The following WIPF3 variants were observed in gnomAD, a reference collection of about 807,000 sequenced individuals.
WIPF3 encodes WAS/WASL-interacting protein family member 3.
WIPF3 carries 33 observed loss-of-function variants against 38.9 expected under a neutral mutation model. The ratio of observed to expected loss-of-function variants is 0.85; its 90% CI spans 0.64 to 1.14. The LOEUF (loss-of-function observed/expected upper bound fraction) is 1.14, where lower values mean the gene tolerates loss of function less well. Among genes scored for constraint, WIPF3 ranks in the 50% most tolerant of loss-of-function variants. WIPF3 has a pLI of 0.00. For synonymous variants in WIPF3, 324 were observed against 269.3 expected (o/e 1.20, Z -1.99); for missense variants, 711 against 652.5 (o/e 1.09, Z -0.98).
chr7:29,895,078 A>G (rs996994726), intron 7 of WIPF3, among the ~76,000 whole-genome samples: 3 of 151,578 alleles, frequency 2.0e-5, no homozygotes, highest in Non-Finnish European at 4.4e-5. Flanking sequence ...CAGCCTCCCA[A>G]GTAGCCCATG....
intron 2 of WIPF3, among the ~76,000 whole-genome samples, chr7:29,850,917 GA>G (rs1785084114): frequency 1.3e-5 from 2 of 152,186 alleles, no homozygotes; most frequent in South Asian, 4.1e-4. Context: ...CCTCATCTGT[GA>G]AATGGAAATA....
At chr7:29,879,516 A>G (rs1785672982) in intron 4 of WIPF3, among the ~76,000 whole-genome samples, 1 of 152,230 alleles carries the variant, frequency 6.6e-6, no homozygotes, top group Non-Finnish European at 1.5e-5. Flanking sequence ...ATGAGTTGTA[A>G]TGATTCGGTC....
intron 7 of WIPF3, among the ~76,000 whole-genome samples, chr7:29,891,505 G>A (rs1297002161): frequency 6.6e-6 from 1 of 152,124 alleles, no homozygotes; most frequent in Non-Finnish European, 1.5e-5. Context: ...ACTGCTCTGA[G>A]TTGAGAGAGA....
intron 1 of WIPF3, among the ~76,000 whole-genome samples, chr7:29,816,215 A>G (rs890561913): frequency 2.0e-5 from 3 of 152,252 alleles, no homozygotes; most frequent in Admixed American, 6.5e-5. Flanking sequence ...TATAAAAAGG[A>G]TGTTCACTGT....
intron 2 of WIPF3, among the ~76,000 whole-genome samples, chr7:29,855,909 G>A (rs991842669): frequency 1.3e-5 from 2 of 152,148 alleles, no homozygotes; most frequent in African/African-American, 4.8e-5. Context: ...TTTAGTATAA[G>A]TGTGTAGCAA....
intron 1 of WIPF3, among the ~76,000 whole-genome samples, chr7:29,808,108 A>C (rs1784313266): frequency 6.6e-6 from 1 of 152,206 alleles, no homozygotes; most frequent in South Asian, 2.1e-4. Context: ...CCTAAGAATT[A>C]CTGAAGTTAT....
chr7:29,811,378 A>C (rs116963465), intron 1 of WIPF3, among the ~76,000 whole-genome samples: 2,002 of 152,212 alleles, frequency 0.013, 25 homozygotes, highest in Non-Finnish European at 0.016. Flanking sequence ...AACAACATAA[A>C]ATTAATAGAT....
chr7:29,890,367 AAAAAAGAGAG>A (rs754504970), intron 7 of WIPF3, among the ~76,000 whole-genome samples: 4 of 144,246 alleles, frequency 2.8e-5, no homozygotes, highest in Non-Finnish European at 4.6e-5. Flanking sequence ...AAAAAAAAAA[AAAAAAGAGAG>A]AGAGAGAATG....
intron 1 of WIPF3, among the ~76,000 whole-genome samples, chr7:29,822,123 G>GTTTTTTTTTTTT: frequency 6.4e-5 from 4 of 62,870 alleles, no homozygotes; most frequent in African/African-American, 1.4e-4. Flanking sequence ...TTTTTTCTTA[G>GTTTTTTTTTTTT]TTTTTTTTTT....
At chr7:29,824,165 G>T (rs528966364) in intron 1 of WIPF3, among the ~76,000 whole-genome samples, 1 of 152,092 alleles carries the variant, frequency 6.6e-6, no homozygotes, top group African/African-American at 2.4e-5. Context: ...AAATAGGTCC[G>T]GGCATGGTGG....
intron 7 of WIPF3, among the ~76,000 whole-genome samples, chr7:29,892,135 C>A (rs1786036770): frequency 6.6e-6 from 1 of 152,186 alleles, no homozygotes; most frequent in African/African-American, 2.4e-5. Flanking sequence ...AGCTTAGGTT[C>A]CCCAACAGCA....
intron 2 of WIPF3, among the ~76,000 whole-genome samples, chr7:29,835,159 A>G (rs1440181970): frequency 6.6e-6 from 1 of 152,056 alleles, no homozygotes; most frequent in African/African-American, 2.4e-5. Flanking sequence ...TGCACGGCCA[A>G]TGAGGCCTTG....
At chr7:29,893,112 G>A (rs1786061016) in intron 7 of WIPF3, among the ~76,000 whole-genome samples, 1 of 152,102 alleles carries the variant, frequency 6.6e-6, no homozygotes, top group African/African-American at 2.4e-5. Flanking sequence ...GAGGTTGGAT[G>A]GAGGAGGTCC....
chr7:29,895,990 C>T (rs539410290), intron 7 of WIPF3, among the ~76,000 whole-genome samples: 19 of 152,092 alleles, frequency 1.2e-4, no homozygotes, highest in Non-Finnish European at 2.5e-4. Context: ...TAATTTCATT[C>T]AGATGGAATG....
At chr7:29,830,200 C>T (rs1784695395) in intron 1 of WIPF3, among the ~76,000 whole-genome samples, 1 of 151,854 alleles carries the variant, frequency 6.6e-6, no homozygotes, top group Admixed American at 6.6e-5. Context: ...AGCGAGGCAG[C>T]ATCTCGGTGG....
chr7:29,827,226 T>C (rs1332362035), intron 1 of WIPF3, among the ~76,000 whole-genome samples: 2 of 152,130 alleles, frequency 1.3e-5, no homozygotes, highest in Non-Finnish European at 2.9e-5. Context: ...TATTTACAGA[T>C]TTTTTATATC....
intron 2 of WIPF3, among the ~76,000 whole-genome samples, chr7:29,866,020 G>T (rs1785381132): frequency 1.3e-5 from 2 of 152,150 alleles, no homozygotes; most frequent in African/African-American, 4.8e-5. Flanking sequence ...TTAGCCGGGC[G>T]TGATGGCACA....
intron 1 of WIPF3, among the ~76,000 whole-genome samples, chr7:29,828,256 G>C (rs1784656086): frequency 6.6e-6 from 1 of 152,194 alleles, no homozygotes; most frequent in South Asian, 2.1e-4. Context: ...ACTTACATGA[G>C]TTCTTTCTTT....
At chr7:29,821,616 T>A (rs1210621215) in intron 1 of WIPF3, among the ~76,000 whole-genome samples, 2 of 152,224 alleles carry the variant, frequency 1.3e-5, no homozygotes, top group African/African-American at 2.4e-5. Context: ...TAGAATTAAA[T>A]CTTCCTTTTG....
Sources: gnomAD v4.1 joint callset for allele counts (sites outside exome capture counted in the v4.1 genomes callset) on GRCh38, gnomAD v4.1.1 for gene constraint, MANE v1.5 for transcripts, NCBI Gene and HGNC (gene_info 2026-07-23, HGNC 2026-07-21) for gene names.